The following ERBIN variants were observed in gnomAD, a reference collection of about 807,000 sequenced individuals.
The protein encoded by ERBIN is erbb2 interacting protein.
A neutral mutation model predicts 158.4 loss-of-function variants in ERBIN; 60 were observed. The observed-to-expected ratio is 0.38, with a 90% CI of 0.31 to 0.47. The LOEUF (loss-of-function observed/expected upper bound fraction) is 0.47. Among genes scored for constraint, ERBIN ranks in the 20% least tolerant of loss-of-function variants. The pLI, the probability that ERBIN is intolerant of heterozygous loss-of-function variation, is 0.99. For synonymous variants in ERBIN, 594 were observed against 557.2 expected, an observed-to-expected ratio of 1.07 and a Z score of -0.93; for missense variants, 1,610 against 1,648.0, an observed-to-expected ratio of 0.98 and a Z score of 0.40.
intron 1 of ERBIN, among the ~76,000 whole-genome samples, chr5:65,948,293 G>A (rs1746049060): frequency 6.6e-6 from 1 of 151,840 alleles, no homozygotes; most frequent in Non-Finnish European, 1.5e-5. Flanking sequence ...TCCCGCCTCA[G>A]CCTCCCAAGT....
chr5:65,956,013 G>C (rs1395013971), intron 1 of ERBIN, among the ~76,000 whole-genome samples: 3 of 152,124 alleles, frequency 2.0e-5, no homozygotes, highest in Non-Finnish European at 4.4e-5. Context: ...AACAATACAT[G>C]GTGTGTATAG....
intron 1 of ERBIN, among the ~76,000 whole-genome samples, chr5:65,960,787 T>C (rs1035301559): frequency 1.3e-5 from 2 of 152,196 alleles, no homozygotes; most frequent in African/African-American, 4.8e-5. Flanking sequence ...TCTGTTAAAC[T>C]AGTGTGTAAA....
intron 1 of ERBIN, among the ~76,000 whole-genome samples, chr5:65,932,931 T>C (rs1217690034): frequency 1.3e-5 from 2 of 152,072 alleles, no homozygotes; most frequent in Non-Finnish European, 1.5e-5. Context: ...GCCGAGACTA[T>C]AGGCATGCAC....
At chr5:65,951,310 T>C (rs185523685) in intron 1 of ERBIN, among the ~76,000 whole-genome samples, 7 of 152,366 alleles carry the variant, frequency 4.6e-5, no homozygotes, top group East Asian at 1.9e-4. Flanking sequence ...ATAAGTTTCA[T>C]GAGGGCAGGA....
intron 18 of ERBIN, among the ~76,000 whole-genome samples, chr5:66,047,459 A>G (rs1309050853): frequency 1.3e-5 from 2 of 152,082 alleles, no homozygotes; most frequent in Admixed American, 1.3e-4. Context: ...TTGTGTGGAT[A>G]TATATTTTCA....
At chr5:65,937,594 A>T (rs1744234788) in intron 1 of ERBIN, among the ~76,000 whole-genome samples, 1 of 152,180 alleles carries the variant, frequency 6.6e-6, no homozygotes, top group Non-Finnish European at 1.5e-5. Flanking sequence ...GGTGGACATG[A>T]ATCATTTTTA....
chr5:66,025,960 C>T lies in ERBIN; in HGVS notation c.1003C>T (p.Gln335Ter). ...TTTTGCTGCTGATCATAATTACTTA[C>T]AGCAGTTGCCCCCAGAGGTAATGTA... ...RTFAADHNYLQQLPPEIGSWK... is the reference protein window; with the variant it reads ...RTFAADHNYL Residue 335 changes from glutamine to a stop codon, truncating the protein, a stop_gained, in exon 12 of 26, where the codon CAG becomes TAG. Coordinates refer to ENST00000284037, the MANE Select transcript of ERBIN (RefSeq NM_001253697.2). LOFTEE classifies it high-confidence loss of function. 1 of 1,584,762 alleles carries T rather than the reference C, an allele frequency of 6.3e-7. No homozygotes were observed. Among genetic ancestry groups the T allele is most frequent in the Non-Finnish European group, 8.6e-7 (1 of 1,169,194 alleles).
In ERBIN at chr5:66,053,698, A is replaced by G. The variant is rs1214463950; in HGVS notation, c.2380A>G (p.Ser794Gly). The G allele has an allele frequency of 1.3e-5, 21 of 1,613,808 alleles. No homozygotes were observed. The highest frequency in any genetic ancestry group is 2.2e-5 in the East Asian group (1 of 44,870). The part of the protein sequence containing the change: ...SKTQDIVLGT[S>G]FLSINSKEET... ...AACACAGGATATTGTGCTTGGAACA[A>G]GCTTTTTAAGCATTAATTCTAAAGA... Residue 794 changes from serine (S) to glycine (G), a missense_variant, in exon 21 of 26, where the codon AGC becomes GGC. By Grantham distance (56) the Ser-to-Gly change is moderately conservative (BLOSUM62 0). Coordinates refer to ENST00000284037, the MANE Select transcript of ERBIN (RefSeq NM_001253697.2).
intron 1 of ERBIN, among the ~76,000 whole-genome samples, chr5:65,977,049 G>T (rs1479408732): frequency 1.3e-5 from 2 of 152,072 alleles, no homozygotes; most frequent in Non-Finnish European, 2.9e-5. Context: ...CGCAGATGGG[G>T]TGGTGGCCGG....
At chr5:66,046,986 A>G (rs374787321) in intron 18 of ERBIN, among the ~76,000 whole-genome samples, 21 of 152,268 alleles carry the variant, frequency 1.4e-4, no homozygotes, top group East Asian at 1.2e-3. Context: ...TAACTCACAT[A>G]TCATACAAAT....
intron 1 of ERBIN, among the ~76,000 whole-genome samples, chr5:65,977,188 C>CA (rs1750008879): frequency 7.5e-6 from 1 of 133,440 alleles, no homozygotes; most frequent in Non-Finnish European, 1.6e-5. Context: ...GCTGGCCGGG[C>CA]GGGGGGCTGA....
chr5:65,931,864 A>G (rs1241184087), intron 1 of ERBIN, among the ~76,000 whole-genome samples: 7 of 144,976 alleles, frequency 4.8e-5, no homozygotes, highest in African/African-American at 1.0e-4. Context: ...TGTTGCCCAG[A>G]CTGGAGTGCA....
At chr5:65,956,119 C>G (rs1314649017) in intron 1 of ERBIN, among the ~76,000 whole-genome samples, 2 of 152,008 alleles carry the variant, frequency 1.3e-5, no homozygotes, top group Non-Finnish European at 2.9e-5. Flanking sequence ...AAGAAGAGTT[C>G]ACATTTGTCC....
chr5:66,046,297 T>G (rs997472629), intron 17 of ERBIN, 56 bp from the exon 18 acceptor site: 26 of 1,080,180 alleles, frequency 2.4e-5, no homozygotes, highest in Non-Finnish European at 3.0e-5. Context: ...ATCTGAACTT[T>G]TAAAATAGAT....
intron 1 of ERBIN, among the ~76,000 whole-genome samples, chr5:65,973,177 A>G (rs1012835737): frequency 2.0e-5 from 3 of 150,606 alleles, no homozygotes; most frequent in Non-Finnish European, 4.4e-5. Context: ...ACCAAACACC[A>G]CATGTCATAG....
chr5:66,029,615 C>CT (rs1431854040), intron 14 of ERBIN, among the ~76,000 whole-genome samples: 19 of 151,818 alleles, frequency 1.3e-4, no homozygotes, highest in African/African-American at 3.9e-4. Context: ...CTGTCCTTTT[C>CT]TTTTTTTTGA....
rs374380240 is a variant in ERBIN, at chr5:65,953,857, G to C, written c.-58+27051G>C. ...CATATAAGCTAGGAATGTTTAGGCTGTGGGGGATTGTAGAACATTAATTTC... is the reference window on the plus strand; with the variant it reads ...CATATAAGCTAGGAATGTTTAGGCTCTGGGGGATTGTAGAACATTAATTTC... On this transcript the variant is annotated intron_variant, in intron 1 of 25. Transcript: ENST00000284037. Among the ~76,000 whole-genome samples the C allele has an allele frequency of 3.3e-5, 5 of 152,298 alleles. No individual in the cohort carries two copies. In the East Asian group the frequency reaches 7.7e-4, roughly 23 times the overall value.
chr5:66,048,905 G>T, intron 19 of ERBIN, 124 bp downstream of exon 19: 2 of 561,236 alleles, frequency 3.6e-6, no homozygotes, highest in Non-Finnish European at 6.1e-6. Context: ...TTTTAGACAT[G>T]GCTTTCTGAA....
chr5:66,072,220 A>G lies in ERBIN; in HGVS notation c.3685A>G (p.Ile1229Val). 1.3e-6 allele frequency: 2 copies of G among 1,550,466 alleles called. No individual in the cohort carries two copies. The highest frequency in any genetic ancestry group is 1.7e-4 in the Middle Eastern group (1 of 5,988). ...AGATCCTTGTCAAGATGGTATATTCATTTCAGGACAGCAGAACTACTCATC... is the reference window on the plus strand; with the variant it reads ...AGATCCTTGTCAAGATGGTATATTCGTTTCAGGACAGCAGAACTACTCATC... The part of the protein sequence containing the change: ...SGDPCQDGIF[I>V]SGQQNYSSAT... The change falls in exon 22 of 26, where the codon ATT (isoleucine) becomes GTT (valine). Residue 1229 changes from isoleucine to valine, a missense_variant. By Grantham distance (29) the Ile-to-Val change is conservative. Around this residue, in one of 2 missense-constraint regions of ERBIN, gnomAD observed 1,014 missense variants for 936.1 expected, o/e 1.08. Transcript: ENST00000284037.
Sources: allele counts gnomAD v4.1 joint callset (sites outside exome capture counted in the v4.1 genomes callset), GRCh38; gene constraint gnomAD v4.1.1; regional missense constraint gnomAD v4.1.1; transcripts MANE v1.5; gene names NCBI Gene and HGNC (gene_info 2026-07-23, HGNC 2026-07-21).